The following FAM222B variants were observed in gnomAD, a reference collection of about 807,000 sequenced individuals.
FAM222B encodes protein FAM222B.
In FAM222B, 12 loss-of-function variants were observed where a neutral mutation model predicts 38.0. The observed-to-expected ratio is 0.32, with a 90% CI of 0.20 to 0.51. The LOEUF (loss-of-function observed/expected upper bound fraction) is 0.51, where lower values mean the gene tolerates loss of function less well. Ranked by LOEUF, FAM222B falls within the 20% of genes least tolerant of loss-of-function variation. The pLI, the probability that FAM222B is intolerant of heterozygous loss-of-function variation, is 0.97. For missense variants in FAM222B, 716 were observed against 754.2 expected, an observed-to-expected ratio of 0.95 and a Z score of 0.59; for synonymous variants, 329 against 317.2, an observed-to-expected ratio of 1.04 and a Z score of -0.40.
At chr17:28,850,826 T>C (rs1379222125) in intron 1 of FAM222B, among the ~76,000 whole-genome samples, 1 of 152,058 alleles carries the variant, frequency 6.6e-6, no homozygotes, top group East Asian at 1.9e-4. Context: ...TCAAAAATTG[T>C]AAAAAAATGT....
In FAM222B at chr17:28,828,568, G is replaced by GAA. The variant is rs34469459; in HGVS notation, c.-41+14112_-41+14113dup. ...TGAGCTACAGAGAAGACTCTGTCAC[G>GAA]AAAAAAAAAAAACAAAAAACATACA... is the stretch of plus-strand genomic sequence containing the variant. On this transcript the variant is annotated intron_variant, in intron 1 of 2. Coordinates refer to ENST00000581407, the MANE Select transcript of FAM222B (RefSeq NM_001077498.3). 3.2e-3 allele frequency among the ~76,000 whole-genome samples: 409 copies of GAA among 127,960 alleles called. 2 individuals carry two copies. The highest frequency in any genetic ancestry group is 0.012 in the South Asian group (52 of 4,278). 83.9% of individuals were successfully genotyped at this position (127,960 alleles called of 152,430 possible).
intron 1 of FAM222B, among the ~76,000 whole-genome samples, chr17:28,811,762 G>C (rs1228761030): frequency 6.6e-6 from 1 of 152,146 alleles, no homozygotes; most frequent in Non-Finnish European, 1.5e-5. Flanking sequence ...GACTGGGGCT[G>C]CTCCCTCTTT....
chr17:28,825,607 C>T (rs2038412839), intron 1 of FAM222B, among the ~76,000 whole-genome samples: 1 of 152,006 alleles, frequency 6.6e-6, no homozygotes, highest in Admixed American at 6.6e-5. Context: ...AAGCTCATTC[C>T]TCCTTAGGTG....
chr17:28,809,994 T>C (rs2037675423), intron 1 of FAM222B, among the ~76,000 whole-genome samples: 1 of 151,784 alleles, frequency 6.6e-6, no homozygotes, highest in Non-Finnish European at 1.5e-5. Flanking sequence ...GGTTTTTTTT[T>C]GTTTTTGTTT....
chr17:28,790,285 A>G (rs1023666990), intron 1 of FAM222B: 1 of 152,214 alleles, frequency 6.6e-6, no homozygotes, highest in African/African-American at 2.4e-5. Flanking sequence ...ACAAAGGGAA[A>G]ATGAGTAACT....
intron 1 of FAM222B, among the ~76,000 whole-genome samples, chr17:28,809,687 T>C (rs960545734): frequency 1.3e-5 from 2 of 152,026 alleles, no homozygotes; most frequent in Non-Finnish European, 2.9e-5. Flanking sequence ...AATAGAAATA[T>C]CGGGCGTGGA....
At chr17:28,786,860 T>C (rs1371039556) in intron 1 of FAM222B, among the ~76,000 whole-genome samples, 1 of 151,058 alleles carries the variant, frequency 6.6e-6, no homozygotes, top group Non-Finnish European at 1.5e-5. Flanking sequence ...GAGAATGAAG[T>C]TTTACTTATA....
rs1032252049 is a variant in FAM222B, at chr17:28,850,428, A to G, written c.-41+4522T>C. ...GCCATTCTCCTGCCTCAGCCTCCCAAGTAGCTGGGACTACAAGTGCCTGAC... is the reference window on the plus strand; with the variant it reads ...GCCATTCTCCTGCCTCAGCCTCCCAGGTAGCTGGGACTACAAGTGCCTGAC... On this transcript the variant is annotated intron_variant, in intron 1 of 2. Transcript: ENST00000577513. 2.0e-5 allele frequency among the ~76,000 whole-genome samples: 3 copies of G among 151,896 alleles called. No individual in the cohort carries two copies. The South Asian group carries it at 6.2e-4, about 32-fold the overall frequency.
At position 28,797,392 on chromosome 17, in the gene FAM222B, T is replaced by G. The variant is rs563634010; in HGVS notation, c.-40-30685A>C. On this transcript the variant is annotated intron_variant, in intron 1 of 2. Coordinates refer to ENST00000581407, the MANE Select transcript of FAM222B (RefSeq NM_001077498.3). ...GGAGGAAGCAGATCTGTCTCTGAGC[T>G]CCAGAGATAAAAAATAAGTTAATAA... 3.9e-5 allele frequency among the ~76,000 whole-genome samples: 6 copies of G among 152,140 alleles called. No individual in the cohort carries two copies. In the East Asian group the frequency reaches 7.7e-4, roughly 20 times the overall value.
chr17:28,848,321 G>A (rs1332786917), intron 1 of FAM222B, among the ~76,000 whole-genome samples: 1 of 152,102 alleles, frequency 6.6e-6, no homozygotes, highest in Admixed American at 6.6e-5. Context: ...AGTTGGTTCC[G>A]AGTTGTGTGC....
intron 2 of FAM222B, among the ~76,000 whole-genome samples, chr17:28,764,099 G>A (rs1387088192): frequency 3.3e-5 from 5 of 152,032 alleles, no homozygotes; most frequent in Non-Finnish European, 7.4e-5. Context: ...GGGAAATACA[G>A]AGCAGAGGTT....
rs375773280 is a variant in FAM222B at position 28,806,891 on chromosome 17, A to C, written c.-41+35791T>G. ...GGCTCTCGGTCTGGCTTCACTACCA[A>C]ATCACTTAAGTTATTTAGATAATCA... is the stretch of plus-strand genomic sequence containing the variant. On this transcript the variant is annotated intron_variant, in intron 1 of 2. Transcript: ENST00000581407. Among the ~76,000 whole-genome samples the C allele has an allele frequency of 1.2e-4, 19 of 152,330 alleles. No individual in the cohort carries two copies. The South Asian group carries it at 3.9e-3, about 32-fold the overall frequency.
intron 1 of FAM222B, among the ~76,000 whole-genome samples, chr17:28,772,963 C>CA (rs1431702592): frequency 4.6e-5 from 7 of 152,032 alleles, no homozygotes; most frequent in Admixed American, 4.6e-4. Context: ...TGATAGCAAA[C>CA]AAAGAAGTAA....
At chr17:28,816,589 AT>A (rs2038033463) in intron 1 of FAM222B, among the ~76,000 whole-genome samples, 1 of 152,096 alleles carries the variant, frequency 6.6e-6, no homozygotes, top group South Asian at 2.1e-4. Context: ...CTGACACTTA[AT>A]TTACTCCAAT....
chr17:28,826,681 CAAA>C (rs58793747), intron 1 of FAM222B, among the ~76,000 whole-genome samples: 54 of 84,976 alleles, frequency 6.4e-4, no homozygotes, highest in Admixed American at 1.2e-3. Context: ...AACTCCGTCT[CAAA>C]AAAAAAAAAA....
upstream of FAM222B, among the ~76,000 whole-genome samples, chr17:28,847,520 G>A (rs2039153218): frequency 6.6e-6 from 1 of 151,546 alleles, no homozygotes; most frequent in Non-Finnish European, 1.5e-5. Context: ...CTTGAATCTG[G>A]GAAGTGGAGG....
chr17:28,759,046 T>C lies in FAM222B; in HGVS notation c.913A>G (p.Asn305Asp). The part of the protein sequence containing the change: ...PSPISRSLLI[N>D]ASTRVSTHSV... ...TGGGTCGACACCCGGGTGCTTGCATTGATGAGCAGACTGCGACTAATGGGG... is the reference window on the plus strand; with the variant it reads ...TGGGTCGACACCCGGGTGCTTGCATCGATGAGCAGACTGCGACTAATGGGG... Residue 305 changes from asparagine to aspartate, a missense_variant, in exon 3 of 3, where the codon AAT (asparagine) becomes GAT (aspartate). By Grantham distance (23) the Asn-to-Asp change is conservative (BLOSUM62 1). Transcript: ENST00000581407. This position sits in a 1 kb window ranked among gnomAD's most constrained non-coding sequence, Gnocchi z 4.8. 1 of 1,612,652 alleles carries C rather than the reference T, an allele frequency of 6.2e-7. No individual in the cohort carries two copies. The highest frequency in any genetic ancestry group is 8.5e-7 in the Non-Finnish European group (1 of 1,179,344).
intron 2 of FAM222B, among the ~76,000 whole-genome samples, chr17:28,760,977 A>T (rs527504065): frequency 6.6e-6 from 1 of 152,346 alleles, no homozygotes; most frequent in South Asian, 2.1e-4. Context: ...ACAGGGCAGC[A>T]GGGAGGGAAT....
intron 1 of FAM222B, among the ~76,000 whole-genome samples, chr17:28,789,721 C>G (rs372627698): frequency 6.6e-6 from 1 of 152,266 alleles, no homozygotes; most frequent in South Asian, 2.1e-4. Flanking sequence ...TGAAAGGAAC[C>G]AAGGCTCCTT....
Sources: allele counts gnomAD v4.1 joint callset (sites outside exome capture counted in the v4.1 genomes callset), GRCh38; gene constraint gnomAD v4.1.1; non-coding constraint Gnocchi (gnomAD v3.1); transcripts MANE v1.5; gene names NCBI Gene and HGNC (gene_info 2026-07-23, HGNC 2026-07-21).